The following PDGFC variants were observed in gnomAD, a reference collection of about 807,000 sequenced individuals.
PDGFC encodes platelet-derived growth factor C.
Under a neutral mutation model 35.5 loss-of-function variants are expected in PDGFC, and 12 were observed. The observed-to-expected ratio is 0.34, with a 90% CI of 0.22 to 0.55. PDGFC has a LOEUF of 0.55. PDGFC is among the 20% of genes least tolerant of loss of function. The probability of loss-of-function intolerance (pLI) is 0.91; values close to 1 mark genes in which losing one functional copy is unlikely to be tolerated. For synonymous variants in PDGFC, 159 were observed against 148.8 expected, an observed-to-expected ratio of 1.07 and a Z score of -0.50; for missense variants, 322 against 412.4, an observed-to-expected ratio of 0.78 and a Z score of 1.90.
At chr4:156,894,379 A>C (rs1447127804) in intron 1 of PDGFC, among the ~76,000 whole-genome samples, 1 of 152,108 alleles carries the variant, frequency 6.6e-6, no homozygotes, top group African/African-American at 2.4e-5. Flanking sequence ...CATGCTATAG[A>C]CTAGCATTTA....
Position 156,810,952 on chromosome 4 carries a change from C to A in PDGFC, c.380G>T (p.Gly127Val), listed in dbSNP as rs765573815. ...GTILGRWCGSGTVPGKQISKG... is the reference protein window; with the variant it reads ...GTILGRWCGSVTVPGKQISKG... ...AGAAATCTGTTTTCCTGGTACAGTA[C>A]CAGAACCACACCAGCGCCCTAATAT... Residue 127 changes from glycine (G) to valine (V), a missense_variant, in exon 3 of 6, where the codon GGT becomes GTT. Gly to Val is a moderately radical substitution (Grantham distance 109). Transcript: ENST00000502773. 6.2e-7 allele frequency: 1 copy of A among 1,606,740 alleles called. No individual in the cohort carries two copies. The highest frequency in any genetic ancestry group is 8.5e-7 in the Non-Finnish European group (1 of 1,173,986).
At position 156,915,878 on chromosome 4, in the gene PDGFC, T is replaced by C. The variant is rs1289410459; in HGVS notation, c.118+54908A>G. 3.3e-5 allele frequency among the ~76,000 whole-genome samples: 5 copies of C among 152,200 alleles called. No individual in the cohort carries two copies. The South Asian group carries it at 6.2e-4, about 19-fold the overall frequency. Reference sequence around the variant, plus strand: ...AGTCTTTTGCTTGATCCCCAAAGAATAGAAGCAACGGCTTTTCCTGCCCCC... The same window carrying C: ...AGTCTTTTGCTTGATCCCCAAAGAACAGAAGCAACGGCTTTTCCTGCCCCC... On this transcript the variant is annotated intron_variant, in intron 1 of 5. Coordinates refer to ENST00000502773, the MANE Select transcript of PDGFC (RefSeq NM_016205.3).
chr4:156,934,470 A>G (rs1156952311), intron 1 of PDGFC, among the ~76,000 whole-genome samples: 1 of 152,152 alleles, frequency 6.6e-6, no homozygotes, highest in Admixed American at 6.5e-5. Flanking sequence ...GTGGTGAGTG[A>G]TTTTCAGGCC....
Position 156,767,869 on chromosome 4 carries a change from G to A in PDGFC, c.825C>T (p.Leu275=). 2 of 1,613,280 alleles carry A rather than the reference G, an allele frequency of 1.2e-6. No individual in the cohort carries two copies. The highest frequency in any genetic ancestry group is 2.2e-5 in the South Asian group (2 of 91,066). The change falls in exon 5 of 6, where the codon CTC becomes CTT. Residue 275 remains leucine, a synonymous_variant. Transcript: ENST00000502773. The stretch of plus-strand genomic sequence containing the variant: ...AGTTCCCACCACAGCGTTTAACCAG[G>A]AGACAACCTGGCCAGAAAATGGTAT... The part of the protein sequence containing the change: ...RTDTIFWPGC[L]LVKRCGGNCA...
chr4:156,872,836 T>C (rs1257467559), intron 1 of PDGFC, among the ~76,000 whole-genome samples: 2 of 152,196 alleles, frequency 1.3e-5, no homozygotes, highest in Non-Finnish European at 2.9e-5. Flanking sequence ...AGTTTTTACA[T>C]TGTAAGATTG....
chr4:156,828,057 G>A (rs761760524), intron 2 of PDGFC, among the ~76,000 whole-genome samples: 6 of 152,096 alleles, frequency 3.9e-5, no homozygotes, highest in South Asian at 2.1e-4. Context: ...AGCTACTTCC[G>A]CCGGAAATGT....
chr4:156,794,156 A>G (rs1008340880), intron 3 of PDGFC, among the ~76,000 whole-genome samples: 1 of 152,150 alleles, frequency 6.6e-6, no homozygotes, highest in Non-Finnish European at 1.5e-5. Flanking sequence ...GTGTTTCTTC[A>G]GCTTGATCTT....
intron 1 of PDGFC, among the ~76,000 whole-genome samples, chr4:156,925,328 A>G (rs1374841290): frequency 6.6e-6 from 1 of 152,152 alleles, no homozygotes; most frequent in African/African-American, 2.4e-5. Flanking sequence ...AATGGCAATC[A>G]TGAGTGGAAG....
chr4:156,775,257 A>C (rs1437581533), intron 3 of PDGFC, among the ~76,000 whole-genome samples: 8 of 152,146 alleles, frequency 5.3e-5, no homozygotes, highest in Non-Finnish European at 1.2e-4. Flanking sequence ...AGTTAACGCA[A>C]ATTTTTGCAT....
At chr4:156,910,040 T>G (rs1731003602) in intron 1 of PDGFC, among the ~76,000 whole-genome samples, 1 of 152,108 alleles carries the variant, frequency 6.6e-6, no homozygotes, top group Non-Finnish European at 1.5e-5. Flanking sequence ...GAGACAGTCA[T>G]GAACAAATTT....
At chr4:156,968,296 G>C (rs1185343935) in intron 1 of PDGFC, among the ~76,000 whole-genome samples, 1 of 152,086 alleles carries the variant, frequency 6.6e-6, no homozygotes, top group African/African-American at 2.4e-5. Flanking sequence ...ATATCAATTT[G>C]GACATTTCAG....
Position 156,851,930 on chromosome 4 carries a change from CAAAAAAAAA to C in PDGFC, c.119-1523_119-1515del, listed in dbSNP as rs61505882. Among the ~76,000 whole-genome samples, 328 of 47,840 alleles carry C rather than the reference CAAAAAAAAA, an allele frequency of 6.9e-3. 2 individuals are homozygous for C. Among genetic ancestry groups the C allele is most frequent in the Admixed American group, 0.014 (57 of 3,958 alleles). 31.4% of individuals were successfully genotyped at this position (47,840 alleles called of 152,430 possible). The stretch of plus-strand genomic sequence containing the variant: ...TGGGCGACAGAATGAGACTCCATCT[CAAAAAAAAA>C]AAAAAAAAAAAAAAAAAATCCGTGT... On this transcript the variant is annotated intron_variant, in intron 1 of 5. Coordinates refer to ENST00000502773, the MANE Select transcript of PDGFC (RefSeq NM_016205.3).
intron 2 of PDGFC, among the ~76,000 whole-genome samples, chr4:156,839,736 G>A (rs556579977): frequency 6.6e-6 from 1 of 152,182 alleles, no homozygotes; most frequent in African/African-American, 2.4e-5. Flanking sequence ...GAAGATTTGG[G>A]AAAGTGTGGA....
chr4:156,778,738 T>G (rs1462721395), intron 3 of PDGFC, among the ~76,000 whole-genome samples: 2 of 152,202 alleles, frequency 1.3e-5, no homozygotes, highest in African/African-American at 4.8e-5. Context: ...AAAACACACT[T>G]AAAATGAATC....
chr4:156,942,312 G>A (rs1731828995), intron 1 of PDGFC, among the ~76,000 whole-genome samples: 1 of 152,030 alleles, frequency 6.6e-6, no homozygotes, highest in African/African-American at 2.4e-5. Context: ...AACATCGAAT[G>A]TACTTTATTT....
At chr4:156,796,041 T>A (rs1234579719) in intron 3 of PDGFC, among the ~76,000 whole-genome samples, 1 of 152,198 alleles carries the variant, frequency 6.6e-6, no homozygotes, top group Non-Finnish European at 1.5e-5. Flanking sequence ...ATTTGTGGTA[T>A]TATTTTTGAC....
intron 3 of PDGFC, among the ~76,000 whole-genome samples, chr4:156,807,629 A>C (rs1173875889): frequency 6.6e-6 from 1 of 151,964 alleles, no homozygotes; most frequent in Non-Finnish European, 1.5e-5. Context: ...GTTTCTGAAA[A>C]TTTTAACTAA....
At chr4:156,952,425 T>G (rs1354040909) in intron 1 of PDGFC, among the ~76,000 whole-genome samples, 2 of 151,880 alleles carry the variant, frequency 1.3e-5, no homozygotes, top group African/African-American at 4.8e-5. Flanking sequence ...AAGAACATTT[T>G]AATGAAAGTG....
intron 1 of PDGFC, among the ~76,000 whole-genome samples, chr4:156,937,418 G>C (rs1731709325): frequency 6.6e-6 from 1 of 152,138 alleles, no homozygotes; most frequent in East Asian, 1.9e-4. Context: ...AATAAGAAAG[G>C]TGGTCAGGCA....
Sources: allele counts gnomAD v4.1 joint callset (sites outside exome capture counted in the v4.1 genomes callset), GRCh38; gene constraint gnomAD v4.1.1; transcripts MANE v1.5; gene names NCBI Gene and HGNC (gene_info 2026-07-23, HGNC 2026-07-21).